Variants in PLPPR5 observed in about 807,000 individuals in gnomAD.
PLPPR5 encodes the protein phospholipid phosphatase related 5, also known as phospholipid phosphatase-related protein type 5.
PLPPR5 carries 16 observed loss-of-function variants against 33.9 expected under a neutral mutation model. The observed-to-expected ratio is 0.47, with a 90% confidence interval of 0.32 to 0.72. The LOEUF is 0.72. PLPPR5 is among the 30% of genes least tolerant of loss of function. PLPPR5 has a pLI of 0.03. For synonymous variants in PLPPR5, 163 were observed against 150.3 expected (o/e 1.08, Z -0.62); for missense variants, 301 against 406.7 (o/e 0.74, Z 2.23).
intron 1 of PLPPR5, among the ~76,000 whole-genome samples, chr1:98,999,772 G>A (rs1443016143): frequency 1.3e-5 from 2 of 152,194 alleles, no homozygotes; most frequent in African/African-American, 4.8e-5. Flanking sequence ...AATGACGCCA[G>A]CACCCTTGGG....
At chr1:98,911,813 A>G (rs1246895869) in intron 5 of PLPPR5, among the ~76,000 whole-genome samples, 3 of 151,882 alleles carry the variant, frequency 2.0e-5, no homozygotes, top group Admixed American at 6.6e-5. Context: ...AGGCTGGAGT[A>G]CAGTGGTGTG....
chr1:98,946,546 A>G (rs548633484), intron 3 of PLPPR5, among the ~76,000 whole-genome samples: 1 of 152,114 alleles, frequency 6.6e-6, no homozygotes, highest in South Asian at 2.1e-4. Context: ...TGCTTCTGCT[A>G]TTGCCCTTCC....
chr1:98,904,904 T>C (rs370478226), intron 5 of PLPPR5, among the ~76,000 whole-genome samples: 4 of 152,304 alleles, frequency 2.6e-5, no homozygotes, highest in African/African-American at 9.6e-5. Flanking sequence ...GGAGCCCTTT[T>C]CTACTGTAAA....
At chr1:98,918,067 CATAT>C (rs1453514477) in intron 4 of PLPPR5, among the ~76,000 whole-genome samples, 1 of 152,166 alleles carries the variant, frequency 6.6e-6, no homozygotes, top group Non-Finnish European at 1.5e-5. Flanking sequence ...ATCATCACTG[CATAT>C]ATATTTTCTT....
chr1:98,923,186 A>G (rs1452925459), intron 3 of PLPPR5, among the ~76,000 whole-genome samples: 1 of 152,154 alleles, frequency 6.6e-6, no homozygotes, highest in African/African-American at 2.4e-5. Context: ...CCCCCATCTA[A>G]TGTATTCTAT....
intron 1 of PLPPR5, among the ~76,000 whole-genome samples, chr1:99,001,671 G>GAT (rs55722150): frequency 0.076 from 7,723 of 101,986 alleles, 436 homozygotes; most frequent in African/African-American, 0.14. Flanking sequence ...GAAAGTTAAA[G>GAT]ATATATATAT....
At chr1:98,971,213 A>G (rs1398398879) in intron 1 of PLPPR5, among the ~76,000 whole-genome samples, 2 of 152,122 alleles carry the variant, frequency 1.3e-5, no homozygotes, top group Non-Finnish European at 2.9e-5. Flanking sequence ...AGAGGTGAAG[A>G]AAATAACATG....
At chr1:98,984,462 G>A (rs1473906234) in intron 1 of PLPPR5, among the ~76,000 whole-genome samples, 1 of 152,030 alleles carries the variant, frequency 6.6e-6, no homozygotes, top group Admixed American at 6.6e-5. Flanking sequence ...TCTTACCAAA[G>A]GTAATTTAGA....
intron 4 of PLPPR5, among the ~76,000 whole-genome samples, chr1:98,916,870 T>C (rs1223632527): frequency 6.6e-6 from 1 of 152,190 alleles, no homozygotes; most frequent in Non-Finnish European, 1.5e-5. Flanking sequence ...GTCTTGTTTG[T>C]AAAAATGGTG....
At position 98,984,603 on chromosome 1, in the gene PLPPR5, T is replaced by C. The variant is rs1411022; in HGVS notation, c.237+19832A>G. 4.5e-3 allele frequency among the ~76,000 whole-genome samples: 686 copies of C among 152,178 alleles called. 5 individuals carry two copies. The highest frequency in any genetic ancestry group is 7.0e-3 in the Non-Finnish European group (478 of 67,964). The stretch of plus-strand genomic sequence containing the variant: ...TCTTGTGCAGAAGCTTCTAAAAAGA[T>C]TTCAAAACATTTTATTGACTCTTTA... On this transcript the variant is annotated intron_variant, in intron 1 of 5. Transcript: ENST00000263177.
chr1:98,967,396 C>T (rs542674674), intron 1 of PLPPR5, among the ~76,000 whole-genome samples: 1 of 152,160 alleles, frequency 6.6e-6, no homozygotes, highest in South Asian at 2.1e-4. Flanking sequence ...ACTTAGCTTG[C>T]ACTTATTTAT....
chr1:98,952,284 A>C (rs1650818038), intron 3 of PLPPR5, among the ~76,000 whole-genome samples: 1 of 149,146 alleles, frequency 6.7e-6, no homozygotes, highest in South Asian at 2.1e-4. Flanking sequence ...AAAAAAAAAA[A>C]ATCTCTGACC....
intron 1 of PLPPR5, among the ~76,000 whole-genome samples, chr1:98,993,881 T>C (rs1274277813): frequency 6.6e-6 from 1 of 152,070 alleles, no homozygotes; most frequent in Non-Finnish European, 1.5e-5. Context: ...TAGAACACAA[T>C]TTACTCAGCA....
chr1:98,968,221 TTTTTAA>T (rs1651522457), intron 1 of PLPPR5, among the ~76,000 whole-genome samples: 1 of 142,256 alleles, frequency 7.0e-6, no homozygotes. Flanking sequence ...TTATAGTTTG[TTTTTAA>T]TTTTAATATA....
In PLPPR5 at chr1:98,913,076, C is replaced by T. The variant is rs191945049; in HGVS notation, c.933+1710G>A. 3.3e-5 allele frequency among the ~76,000 whole-genome samples: 5 copies of T among 152,234 alleles called. No homozygotes were observed. In the East Asian group the frequency reaches 9.6e-4, roughly 29 times the overall value. ...GCCATTATTTATCTTCTTACACTCA[C>T]TTTTCTTTGTTTTGTCCTAACTGTT... On this transcript the variant is annotated intron_variant, in intron 5 of 5. Coordinates refer to ENST00000263177, the MANE Select transcript of PLPPR5 (RefSeq NM_001037317.2).
intron 1 of PLPPR5, among the ~76,000 whole-genome samples, chr1:98,961,522 G>GT (rs1651250295): frequency 3.9e-5 from 6 of 152,176 alleles, no homozygotes; most frequent in Non-Finnish European, 8.8e-5. Context: ...ATTAACAATA[G>GT]CAATGTCGCT....
At chr1:98,969,802 G>C (rs903899654) in intron 1 of PLPPR5, among the ~76,000 whole-genome samples, 1 of 151,744 alleles carries the variant, frequency 6.6e-6, no homozygotes, top group Non-Finnish European at 1.5e-5. Flanking sequence ...GATGTCTTCA[G>C]TTCCAAAGTA....
rs1001709010 is a variant in PLPPR5 at position 98,892,722 on chromosome 1, C to T, written c.*350G>A. 12 of 198,354 alleles carry T rather than the reference C, an allele frequency of 6.0e-5. No homozygotes were observed. Among genetic ancestry groups the T allele is most frequent in the Admixed American group, 1.8e-4 (3 of 16,402 alleles). 12.3% of individuals were successfully genotyped at this position (198,354 alleles called of 1,614,324 possible). A position where few individuals can be genotyped will look rare whatever the true frequency, so the allele number is the denominator to read the frequency against. ...AATAGAAGGTTTTCATACACAAATA[C>T]GATTTATGTAGAGATTTCTTTTAAC... On this transcript the variant is annotated 3_prime_UTR_variant, in exon 6 of 6. Transcript: ENST00000263177.
chr1:98,928,632 G>C (rs1649853292), intron 3 of PLPPR5, among the ~76,000 whole-genome samples: 1 of 140,358 alleles, frequency 7.1e-6, no homozygotes, highest in Admixed American at 7.6e-5. Context: ...ATAATTTAAA[G>C]GGTACGCAAA....
Sources: gnomAD v4.1 joint callset for allele counts (sites outside exome capture counted in the v4.1 genomes callset) on GRCh38, gnomAD v4.1.1 for gene constraint, MANE v1.5 for transcripts, NCBI Gene and HGNC (gene_info 2026-07-23, HGNC 2026-07-21) for gene names.